Variants in THSD7B observed in about 807,000 individuals in gnomAD.
The protein encoded by THSD7B is thrombospondin type 1 domain containing 7B, also known as thrombospondin type-1 domain-containing protein 7B.
A neutral mutation model predicts 213.6 loss-of-function variants in THSD7B; 138 were observed. The observed-to-expected ratio is 0.65, with a 90% CI of 0.56 to 0.74. The LOEUF is 0.74. THSD7B is among the 30% of genes least tolerant of loss of function. The probability of loss-of-function intolerance (pLI) is 0.00; values close to 1 mark genes in which losing one functional copy is unlikely to be tolerated. For synonymous variants in THSD7B, 742 were observed against 687.0 expected (o/e 1.08, Z -1.25); for missense variants, 1,931 against 1,991.5 (o/e 0.97, Z 0.58).
intron 15 of THSD7B, among the ~76,000 whole-genome samples, chr2:137,484,482 T>C (rs1423372409): frequency 8.5e-5 from 9 of 105,860 alleles, no homozygotes; most frequent in East Asian, 2.7e-4. Context: ...AATAAACATA[T>C]GTGTGCATGT....
intron 2 of THSD7B, among the ~76,000 whole-genome samples, chr2:136,977,478 T>C (rs1685499440): frequency 6.6e-6 from 1 of 152,178 alleles, no homozygotes; most frequent in Non-Finnish European, 1.5e-5. Context: ...GCTCTGATCT[T>C]GGTTGTTTCT....
chr2:137,129,896 C>G (rs1688697790), intron 5 of THSD7B, among the ~76,000 whole-genome samples: 1 of 152,114 alleles, frequency 6.6e-6, no homozygotes, highest in Non-Finnish European at 1.5e-5. Context: ...TCACTGTTTT[C>G]TAATGAGAAT....
intron 2 of THSD7B, among the ~76,000 whole-genome samples, chr2:136,928,253 A>C (rs1684572701): frequency 6.6e-6 from 1 of 152,354 alleles, no homozygotes; most frequent in Non-Finnish European, 1.5e-5. Context: ...AAAGTGTTGA[A>C]TATCTCATAT....
chr2:136,770,030 T>C (rs1187810147), intron 1 of THSD7B, among the ~76,000 whole-genome samples: 1 of 152,222 alleles, frequency 6.6e-6, no homozygotes, highest in African/African-American at 2.4e-5. Flanking sequence ...AAGAAACTCA[T>C]GGCCGTGTTC....
chr2:137,434,070 A>C (rs1687242079), intron 14 of THSD7B, among the ~76,000 whole-genome samples: 2 of 152,188 alleles, frequency 1.3e-5, no homozygotes, highest in African/African-American at 4.8e-5. Flanking sequence ...TCTTTATCCA[A>C]GTTGTTAATC....
chr2:137,281,634 A>G (rs1443555327), intron 12 of THSD7B, among the ~76,000 whole-genome samples: 1 of 143,738 alleles, frequency 7.0e-6, no homozygotes, highest in Non-Finnish European at 1.5e-5. Context: ...ATTCCCACCT[A>G]TGAGTGAGAA....
intron 2 of THSD7B, among the ~76,000 whole-genome samples, chr2:137,045,556 T>C (rs986603425): frequency 1.2e-4 from 18 of 152,232 alleles, no homozygotes; most frequent in African/African-American, 3.9e-4. Flanking sequence ...CAGTTGACCA[T>C]AGGTAACTAA....
At chr2:136,890,431 TTC>T (rs1558840123) in intron 2 of THSD7B, among the ~76,000 whole-genome samples, 358 of 4,004 alleles carry the variant, frequency 0.089, 117 homozygotes, top group South Asian at 0.21. Flanking sequence ...CTTCTTCTTC[TTC>T]TTCTTCTTCT....
intron 12 of THSD7B, among the ~76,000 whole-genome samples, chr2:137,343,985 G>A (rs144434522): frequency 6.9e-4 from 105 of 151,698 alleles, no homozygotes; most frequent in African/African-American, 2.0e-3. Context: ...ACATTCCTTT[G>A]TTATTTCTGA....
chr2:137,084,973 G>A (rs894254026), intron 3 of THSD7B, among the ~76,000 whole-genome samples: 2 of 152,116 alleles, frequency 1.3e-5, no homozygotes, highest in East Asian at 3.8e-4. Context: ...AGAAGATAGT[G>A]TTAGTATAAA....
rs1683009604 is a variant in THSD7B, at chr2:136,846,279, C to T, written c.-35-35865C>T. ...ACACTCATACCCTGGGTTATCGTAC[C>T]CTGGGTTGGGTAACTAAGGAGACAC... On this transcript the variant is annotated intron_variant, in intron 1 of 27. Transcript: ENST00000409968. 1.3e-5 allele frequency among the ~76,000 whole-genome samples: 2 copies of T among 151,952 alleles called. 1 individual carries two copies. Among genetic ancestry groups the T allele is most frequent in the South Asian group, 4.2e-4 (2 of 4,806 alleles).
At chr2:136,772,423 A>G (rs1991412) in intron 1 of THSD7B, among the ~76,000 whole-genome samples, 70,827 of 151,896 alleles carry the variant, frequency 0.47, 17,378 homozygotes, top group East Asian at 0.88. Context: ...TCTCAAAATC[A>G]TAAAGAACTA....
intron 2 of THSD7B, chr2:136,906,494 TCAAG>T (rs1684164257): frequency 6.6e-6 from 1 of 151,838 alleles, no homozygotes; most frequent in Non-Finnish European, 1.5e-5. Flanking sequence ...GGGAGTAGAG[TCAAG>T]CAAATAAACC....
At chr2:137,087,789 T>C (rs919537883) in intron 3 of THSD7B, among the ~76,000 whole-genome samples, 1 of 152,044 alleles carries the variant, frequency 6.6e-6, no homozygotes, top group South Asian at 2.1e-4. Flanking sequence ...TTCACCAAAT[T>C]AGAAAAAACA....
At chr2:137,060,663 A>G (rs958310919) in intron 3 of THSD7B, among the ~76,000 whole-genome samples, 4 of 152,004 alleles carry the variant, frequency 2.6e-5, no homozygotes, top group Non-Finnish European at 5.9e-5. Context: ...ACAAAGATCA[A>G]TTGACTATGT....
chr2:137,588,581 A>C, intron 17 of THSD7B, among the ~76,000 whole-genome samples: 1 of 150,914 alleles, frequency 6.6e-6, no homozygotes, highest in Middle Eastern at 3.4e-3. Flanking sequence ...ACTATAGCAT[A>C]TTTTTATTAG....
rs59620213 is a variant in THSD7B, at chr2:137,575,725, C to CACATATATATAT, written c.3423+3170_3423+3171insCATATATATATA. Among the ~76,000 whole-genome samples, 307 of 110,848 alleles carry CACATATATATAT rather than the reference C, an allele frequency of 2.8e-3. 1 individual carries two copies. In the East Asian group the frequency reaches 0.033, roughly 12 times the overall value. The allele number at this position is 110,848 out of a possible 152,430, so 72.7% of individuals were successfully genotyped here. A position where few individuals can be genotyped will look rare whatever the true frequency, so the allele number is the denominator to read the frequency against. The stretch of plus-strand genomic sequence containing the variant: ...TGTTTTTTCTTATTCCCATAACACA[C>CACATATATATAT]ATATATATATATATATATTTTTACT... On this transcript the variant is annotated intron_variant, in intron 17 of 27. Transcript: ENST00000409968.
At chr2:137,234,807 A>G (rs1370303751) in intron 9 of THSD7B, among the ~76,000 whole-genome samples, 1 of 151,466 alleles carries the variant, frequency 6.6e-6, no homozygotes, top group African/African-American at 2.5e-5. Context: ...AGAAAAACAT[A>G]TTTAATCTCC....
At chr2:137,471,756 G>T (rs1688099369) in intron 15 of THSD7B, among the ~76,000 whole-genome samples, 3 of 152,098 alleles carry the variant, frequency 2.0e-5, no homozygotes, top group African/African-American at 7.2e-5. Context: ...CAGGCTCCCA[G>T]TGGCATGTCC....
Sources: allele counts gnomAD v4.1 joint callset (sites outside exome capture counted in the v4.1 genomes callset), GRCh38; gene constraint gnomAD v4.1.1; transcripts MANE v1.5; gene names NCBI Gene and HGNC (gene_info 2026-07-23, HGNC 2026-07-21).